Variants in SUMO2 observed in about 807,000 individuals in gnomAD.
SUMO2 encodes small ubiquitin like modifier 2.
SUMO2 carries 1 observed loss-of-function variant against 16.0 expected under a neutral mutation model. The observed-to-expected ratio is 0.06, with a 90% CI of 0.02 to 0.30. SUMO2 has a LOEUF of 0.30. Ranked by LOEUF, SUMO2 falls within the 10% of genes least tolerant of loss-of-function variation. SUMO2 has a pLI of 1.00. For synonymous variants in SUMO2, 36 were observed against 40.6 expected (o/e 0.89, Z 0.43); for missense variants, 16 against 117.5 (o/e 0.14, Z 3.99).
intron 3 of SUMO2, among the ~76,000 whole-genome samples, chr17:75,169,346 C>A (rs919073037): frequency 6.6e-6 from 1 of 151,974 alleles, no homozygotes; most frequent in Non-Finnish European, 1.5e-5. Context: ...CAAGACCAGC[C>A]TGGCCAACCT....
chr17:75,181,886 T>C (rs2074831755), intron 1 of SUMO2, among the ~76,000 whole-genome samples: 1 of 137,074 alleles, frequency 7.3e-6, no homozygotes. Flanking sequence ...TTGTTTCTTG[T>C]AGATTTCGAC....
At chr17:75,178,290 C>G (rs968537693) in intron 2 of SUMO2, among the ~76,000 whole-genome samples, 1 of 151,548 alleles carries the variant, frequency 6.6e-6, no homozygotes, top group Non-Finnish European at 1.5e-5. Flanking sequence ...CCGAAGCAGG[C>G]GGATCACGAG....
rs531351477 is a variant in SUMO2, at chr17:75,181,156, A to T, written c.54T>A (p.Ile18=). 194 of 1,613,994 alleles carry T rather than the reference A, an allele frequency of 1.2e-4. 3 individuals are homozygous for T. In the South Asian group the frequency reaches 2.1e-3, roughly 17 times the overall value. Residue 18 remains isoleucine (I), a synonymous_variant, in exon 2 of 4, where the codon ATT becomes ATA. Transcript: ENST00000420826. ...EGVKTENNDH[I]NLKVAGQDGS... ...CATCCTGCCCCGCCACCTTCAAATT[A>T]ATATGATCGTTGTTCTCAGTCTTGA...
intron 3 of SUMO2, among the ~76,000 whole-genome samples, chr17:75,169,949 G>A (rs2074723936): frequency 6.6e-6 from 1 of 151,542 alleles, no homozygotes; most frequent in African/African-American, 2.4e-5. Flanking sequence ...GAGGTCGGGA[G>A]TTCAAGACCA....
intron 2 of SUMO2, among the ~76,000 whole-genome samples, chr17:75,176,958 A>G (rs1177682999): frequency 6.6e-6 from 1 of 151,912 alleles, no homozygotes; most frequent in African/African-American, 2.4e-5. Context: ...CTGAGGTGGA[A>G]GATCACCTGA....
At chr17:75,180,438 C>T (rs1375126591) in intron 2 of SUMO2, among the ~76,000 whole-genome samples, 1 of 117,016 alleles carries the variant, frequency 8.5e-6, no homozygotes, top group African/African-American at 3.1e-5. Flanking sequence ...CTTGGTTTGG[C>T]GCGGTGGCTC....
Position 75,166,094 on chromosome 17 carries a change from C to T in SUMO2, c.*2245G>A, listed in dbSNP as rs921265861. On this transcript the variant is annotated 3_prime_UTR_variant, in exon 4 of 4. Coordinates refer to ENST00000420826, the MANE Select transcript of SUMO2 (RefSeq NM_006937.4). The stretch of plus-strand genomic sequence containing the variant: ...TGGGGTCTAACACCTGAAACCCCAA[C>T]ACTTTGGGAGGCCAAGACAAGGGAC... 6.6e-6 allele frequency: 1 copy of T among 152,258 alleles called. No individual in the cohort carries two copies. The highest frequency in any genetic ancestry group is 2.1e-4 in the South Asian group (1 of 4,830). The allele number at this position is 152,258 out of a possible 1,614,324, so 9.4% of individuals were successfully genotyped here.
chr17:75,180,337 A>T (rs964644591), intron 2 of SUMO2, among the ~76,000 whole-genome samples: 1 of 144,548 alleles, frequency 6.9e-6, no homozygotes, highest in Non-Finnish European at 1.5e-5. Flanking sequence ...AATAAAACAC[A>T]ATTTACAAGG....
chr17:75,174,846 T>C (rs1467949279), intron 2 of SUMO2, 23 bp from the exon 3 acceptor site: 1 of 1,601,352 alleles, frequency 6.2e-7, no homozygotes, highest in Non-Finnish European at 8.5e-7. Flanking sequence ...TTAAAAGCAA[T>C]AAACAGCATT....
At chr17:75,182,776 A>G in intron 1 of SUMO2, 38 bp downstream of exon 1, 1 of 1,321,104 alleles carries the variant, frequency 7.6e-7, no homozygotes, top group Non-Finnish European at 9.7e-7. Context: ...CATGACCCCC[A>G]CCGCGCGGCG....
rs1442066293 is a variant in SUMO2, at chr17:75,166,816, G to A, written c.*1523C>T. On this transcript the variant is annotated 3_prime_UTR_variant, in exon 4 of 4. Coordinates refer to ENST00000420826, the MANE Select transcript of SUMO2 (RefSeq NM_006937.4). Reference sequence around the variant, plus strand: ...GACCTAAGACGGGAGGCTGAGGCAGGAGAATGGCGTGAACCCGGGAGGCGG... The same window carrying A: ...GACCTAAGACGGGAGGCTGAGGCAGAAGAATGGCGTGAACCCGGGAGGCGG... The A allele has an allele frequency of 6.6e-6, 1 of 152,182 alleles. No homozygotes were observed. Among genetic ancestry groups the A allele is most frequent in the Non-Finnish European group, 1.5e-5 (1 of 68,284 alleles). The allele number at this position is 152,182 out of a possible 1,614,324, so 9.4% of individuals were successfully genotyped here. A position where few individuals can be genotyped will look rare whatever the true frequency, so the allele number is the denominator to read the frequency against.
chr17:75,182,706 G>C (rs914561152), intron 1 of SUMO2, 108 bp downstream of exon 1: 18 of 996,826 alleles, frequency 1.8e-5, no homozygotes. Context: ...CCGGCCCCGT[G>C]GGGGGCCCGG....
intron 3 of SUMO2, among the ~76,000 whole-genome samples, chr17:75,169,844 G>C (rs1195704071): frequency 9.5e-6 from 1 of 105,486 alleles, no homozygotes; most frequent in African/African-American, 4.5e-5. Flanking sequence ...GTGAGACTTG[G>C]TCTCAAAAAA....
intron 3 of SUMO2, among the ~76,000 whole-genome samples, chr17:75,170,438 C>A (rs746470296): frequency 6.8e-6 from 1 of 147,990 alleles, no homozygotes; most frequent in African/African-American, 2.5e-5. Flanking sequence ...GGTGTGGTTG[C>A]GCACGCCTGT....
intron 3 of SUMO2, among the ~76,000 whole-genome samples, chr17:75,172,120 A>G (rs1484615895): frequency 6.7e-6 from 1 of 148,466 alleles, no homozygotes; most frequent in Non-Finnish European, 1.5e-5. Context: ...TCCCCCGCCC[A>G]GATTCTCCTG....
At chr17:75,172,340 T>TTTC (rs2074746874) in intron 3 of SUMO2, among the ~76,000 whole-genome samples, 1 of 150,962 alleles carries the variant, frequency 6.6e-6, no homozygotes. Flanking sequence ...TTTTTTTTTT[T>TTTC]TTTGAGACAG....
rs1436421505 is a variant in SUMO2 at position 75,167,333 on chromosome 17, G to C, written c.*1006C>G. 1 of 151,878 alleles carries C rather than the reference G, an allele frequency of 6.6e-6. No individual in the cohort carries two copies. Among genetic ancestry groups the C allele is most frequent in the Non-Finnish European group, 1.5e-5 (1 of 67,998 alleles). 9.4% of individuals were successfully genotyped at this position (151,878 alleles called of 1,614,324 possible). A position where few individuals can be genotyped will look rare whatever the true frequency, so the allele number is the denominator to read the frequency against. ...AATAAGGAACGAAAACTTTATTTTA[G>C]GTTAGGGAGTATTTACTTATGATAA... On this transcript the variant is annotated 3_prime_UTR_variant, in exon 4 of 4. Transcript: ENST00000420826.
intron 3 of SUMO2, among the ~76,000 whole-genome samples, chr17:75,169,955 G>A (rs1382252015): frequency 6.6e-6 from 1 of 151,174 alleles, no homozygotes; most frequent in Non-Finnish European, 1.5e-5. Context: ...GGGAGTTCAA[G>A]ACCAGCCTGG....
intron 1 of SUMO2, chr17:75,182,530 G>A (rs2074837494): frequency 3.9e-6 from 1 of 259,436 alleles, no homozygotes. Flanking sequence ...CCCCGTTCGG[G>A]GCTGGTGGGT....
Sources: gnomAD v4.1 joint callset for allele counts (sites outside exome capture counted in the v4.1 genomes callset) on GRCh38, gnomAD v4.1.1 for gene constraint, MANE v1.5 for transcripts, NCBI Gene and HGNC (gene_info 2026-07-23, HGNC 2026-07-21) for gene names.